ADAMTSL1: variants seen among roughly 807,000 people sequenced by gnomAD.
ADAMTSL1 encodes the protein ADAMTS like 1.
Under a neutral mutation model 201.8 loss-of-function variants are expected in ADAMTSL1, and 126 were observed. That is an observed-to-expected ratio of 0.62 (90% CI 0.54 to 0.72). The LOEUF is 0.72. Ranked by LOEUF, ADAMTSL1 falls within the 30% of genes least tolerant of loss-of-function variation. The pLI is 0.00. For synonymous variants in ADAMTSL1, 1,121 were observed against 903.4 expected (o/e 1.24, Z -4.32); for missense variants, 2,679 against 2,277.8 (o/e 1.18, Z -3.59).
At chr9:18,678,793 G>C (rs898839804) in intron 10 of ADAMTSL1, among the ~76,000 whole-genome samples, 1 of 152,048 alleles carries the variant, frequency 6.6e-6, no homozygotes, top group African/African-American at 2.4e-5. Context: ...TCTGAATCAG[G>C]CCTGATATTC....
chr9:18,575,842 A>G (rs1240577639), intron 4 of ADAMTSL1, among the ~76,000 whole-genome samples: 1 of 152,188 alleles, frequency 6.6e-6, no homozygotes, highest in Non-Finnish European at 1.5e-5. Flanking sequence ...TTGCTACTAT[A>G]TTACCCTGCT....
intron 1 of ADAMTSL1, among the ~76,000 whole-genome samples, chr9:17,963,441 A>G (rs1372541050): frequency 3.3e-5 from 5 of 152,216 alleles, no homozygotes; most frequent in Admixed American, 3.3e-4. Context: ...AGCTATTTAA[A>G]GAAAACAATT....
chr9:18,145,320 G>A (rs962731027), intron 1 of ADAMTSL1, among the ~76,000 whole-genome samples: 2 of 152,140 alleles, frequency 1.3e-5, no homozygotes, highest in Admixed American at 6.6e-5. Context: ...GGACCATGCA[G>A]GAGCTTATTT....
intron 2 of ADAMTSL1, among the ~76,000 whole-genome samples, chr9:18,421,681 G>C (rs1177987420): frequency 6.6e-6 from 1 of 152,190 alleles, no homozygotes; most frequent in Non-Finnish European, 1.5e-5. Context: ...AAACATAGCT[G>C]TAGCTAGTCT....
intron 1 of ADAMTSL1, among the ~76,000 whole-genome samples, chr9:18,084,856 A>G (rs1481344929): frequency 6.6e-6 from 1 of 152,178 alleles, no homozygotes; most frequent in African/African-American, 2.4e-5. Context: ...GTGCAAGTAA[A>G]ATATATATCT....
intron 1 of ADAMTSL1, among the ~76,000 whole-genome samples, chr9:18,003,280 G>A (rs1367941610): frequency 2.6e-5 from 4 of 151,924 alleles, no homozygotes; most frequent in Non-Finnish European, 4.4e-5. Flanking sequence ...TGTCCATGAA[G>A]CAGCATGAGA....
intron 2 of ADAMTSL1, among the ~76,000 whole-genome samples, chr9:18,245,253 A>G (rs1341009637): frequency 6.6e-6 from 1 of 152,048 alleles, no homozygotes; most frequent in Non-Finnish European, 1.5e-5. Context: ...AGATGCATTT[A>G]AAAGAAAAGA....
intron 2 of ADAMTSL1, among the ~76,000 whole-genome samples, chr9:18,428,961 C>T (rs546287598): frequency 6.6e-6 from 1 of 152,308 alleles, no homozygotes; most frequent in South Asian, 2.1e-4. Context: ...GGAGTCACCA[C>T]TACAGTCGGC....
intron 1 of ADAMTSL1, among the ~76,000 whole-genome samples, chr9:18,096,891 T>C (rs1237445565): frequency 6.6e-6 from 1 of 152,200 alleles, no homozygotes; most frequent in African/African-American, 2.4e-5. Context: ...TATGTACTCC[T>C]TTTTTTGTCA....
chr9:18,773,404 A>T (rs1266304144), intron 17 of ADAMTSL1, among the ~76,000 whole-genome samples: 2 of 152,178 alleles, frequency 1.3e-5, no homozygotes, highest in Admixed American at 1.3e-4. Context: ...CCCCAAAAAA[A>T]ATTCTAAAAG....
intron 1 of ADAMTSL1, among the ~76,000 whole-genome samples, chr9:18,080,187 T>G (rs1823429246): frequency 6.6e-6 from 1 of 152,142 alleles, no homozygotes; most frequent in Admixed American, 6.5e-5. Flanking sequence ...ATGAGAGGAC[T>G]GAACCAGAAG....
chr9:18,857,975 G>C (rs970396072), intron 23 of ADAMTSL1, among the ~76,000 whole-genome samples: 3 of 151,982 alleles, frequency 2.0e-5, no homozygotes, highest in Non-Finnish European at 2.9e-5. Context: ...CTAGAGAATA[G>C]TATTTAGACA....
At chr9:18,630,759 A>G (rs968428292) in intron 5 of ADAMTSL1, among the ~76,000 whole-genome samples, 1 of 152,122 alleles carries the variant, frequency 6.6e-6, no homozygotes, top group Non-Finnish European at 1.5e-5. Context: ...CTGTTAGTTC[A>G]TCTTTGTCAG....
chr9:18,609,168 C>T (rs1047207970), intron 4 of ADAMTSL1, among the ~76,000 whole-genome samples: 2 of 152,160 alleles, frequency 1.3e-5, no homozygotes, highest in Non-Finnish European at 2.9e-5. Context: ...GATAGTTACT[C>T]GATTGTATAT....
chr9:18,746,934 C>T (rs976173026), intron 15 of ADAMTSL1, among the ~76,000 whole-genome samples: 1 of 152,146 alleles, frequency 6.6e-6, no homozygotes, highest in African/African-American at 2.4e-5. Context: ...TGCCTTTGCC[C>T]ATTTGGCTGC....
chr9:18,576,909 G>T (rs997513213), intron 4 of ADAMTSL1, among the ~76,000 whole-genome samples: 4 of 151,840 alleles, frequency 2.6e-5, no homozygotes, highest in African/African-American at 7.3e-5. Context: ...GGCTCAGGTC[G>T]ATTTTATATC....
At chr9:18,561,811 T>A (rs1020713150) in intron 3 of ADAMTSL1, among the ~76,000 whole-genome samples, 1 of 152,222 alleles carries the variant, frequency 6.6e-6, no homozygotes, top group Non-Finnish European at 1.5e-5. Context: ...CTTTGTTGGT[T>A]TAAAGTCTGT....
At chr9:18,849,989 T>G (rs1178924310) in intron 23 of ADAMTSL1, among the ~76,000 whole-genome samples, 1 of 152,210 alleles carries the variant, frequency 6.6e-6, no homozygotes, top group Non-Finnish European at 1.5e-5. Flanking sequence ...CAGCAGTTCT[T>G]TGGACTGAAA....
At chr9:18,721,910 T>G (rs1833409850) in intron 15 of ADAMTSL1, among the ~76,000 whole-genome samples, 1 of 152,210 alleles carries the variant, frequency 6.6e-6, no homozygotes. Flanking sequence ...GTGGCATGGC[T>G]GGTATGTGTG....
Sources: gnomAD v4.1 joint callset for allele counts (sites outside exome capture counted in the v4.1 genomes callset) on GRCh38, gnomAD v4.1.1 for gene constraint, MANE v1.5 for transcripts, NCBI Gene and HGNC (gene_info 2026-07-23, HGNC 2026-07-21) for gene names.